The following STXBP4 variants were observed in gnomAD, a reference collection of about 807,000 sequenced individuals.
The protein encoded by STXBP4 is syntaxin binding protein 4, also known as syntaxin-binding protein 4.
Under a neutral mutation model 76.1 loss-of-function variants are expected in STXBP4, and 55 were observed. That is an observed-to-expected ratio of 0.72 (90% CI 0.58 to 0.91). The LOEUF is 0.91. STXBP4 is among the 40% of genes least tolerant of loss of function. The pLI is 0.00. For synonymous variants in STXBP4, 201 were observed against 220.2 expected (o/e 0.91, Z 0.77); for missense variants, 618 against 636.9 (o/e 0.97, Z 0.32).
intron 1 of STXBP4, among the ~76,000 whole-genome samples, chr17:54,975,888 CTTA>C (rs1054122402): frequency 6.6e-6 from 1 of 152,136 alleles, no homozygotes; most frequent in Admixed American, 6.5e-5. Flanking sequence ...TCACAGATGA[CTTA>C]TTATTTGGAT....
intron 7 of STXBP4, among the ~76,000 whole-genome samples, 156 bp from the exon 8 acceptor site, chr17:55,007,350 A>AT (rs936763970): frequency 1.3e-5 from 2 of 152,014 alleles, no homozygotes; most frequent in Non-Finnish European, 1.5e-5. Flanking sequence ...AAAAAAAAAA[A>AT]AGAAAAGAAA....
chr17:55,051,345 C>A (rs1050601288), intron 12 of STXBP4, among the ~76,000 whole-genome samples: 3 of 152,096 alleles, frequency 2.0e-5, no homozygotes, highest in Middle Eastern at 3.4e-3. Context: ...AAGATAGAAC[C>A]AATTCAAGCA....
intron 8 of STXBP4, among the ~76,000 whole-genome samples, chr17:55,020,681 G>C (rs1450592028): frequency 1.3e-5 from 2 of 152,228 alleles, no homozygotes; most frequent in African/African-American, 4.8e-5. Context: ...AGCCAGGCAT[G>C]GTGGCATGCA....
At chr17:55,071,208 C>T (rs2079115374) in intron 12 of STXBP4, among the ~76,000 whole-genome samples, 1 of 152,068 alleles carries the variant, frequency 6.6e-6, no homozygotes, top group Admixed American at 6.6e-5. Flanking sequence ...GATTCTCTGC[C>T]CAAAACCCTC....
intron 16 of STXBP4, among the ~76,000 whole-genome samples, chr17:55,102,970 G>A (rs2145025059): frequency 6.6e-6 from 1 of 152,024 alleles, no homozygotes; most frequent in African/African-American, 2.4e-5. Context: ...TTTTTGATGG[G>A]GTTGTTTGTT....
At chr17:55,064,419 T>C (rs962327242) in intron 12 of STXBP4, among the ~76,000 whole-genome samples, 1 of 152,202 alleles carries the variant, frequency 6.6e-6, no homozygotes. Flanking sequence ...ACTGTAATTA[T>C]AAGATCTCTT....
chr17:54,994,036 A>G (rs1477686721), intron 4 of STXBP4, among the ~76,000 whole-genome samples: 4 of 152,200 alleles, frequency 2.6e-5, no homozygotes, highest in Admixed American at 6.6e-5. Context: ...GTTTCTTTGA[A>G]AAACATATCC....
chr17:55,065,405 A>G (rs2079039416), intron 12 of STXBP4, among the ~76,000 whole-genome samples: 1 of 152,268 alleles, frequency 6.6e-6, no homozygotes, highest in Admixed American at 6.5e-5. Flanking sequence ...TTAAATCTCT[A>G]AAGGTTAATG....
chr17:55,208,559 A>C, the STXBP4 span, among the ~76,000 whole-genome samples: 1 of 143,044 alleles, frequency 7.0e-6, no homozygotes, highest in African/African-American at 2.8e-5. Flanking sequence ...GGAAGCAAGG[A>C]AGGAAGGGAG....
chr17:55,191,599 C>T, the STXBP4 span, among the ~76,000 whole-genome samples: 4 of 152,308 alleles, frequency 2.6e-5, no homozygotes, highest in African/African-American at 9.6e-5. Flanking sequence ...TCATCCCCAT[C>T]TCTCTTAGTC....
intron 10 of STXBP4, among the ~76,000 whole-genome samples, chr17:55,038,888 A>G (rs762464500): frequency 6.6e-6 from 1 of 152,174 alleles, no homozygotes; most frequent in Non-Finnish European, 1.5e-5. Context: ...AACAAGTGAA[A>G]TAGAACAAAA....
At position 55,034,254 on chromosome 17, in the gene STXBP4, T is replaced by A. The variant is rs1436112743; in HGVS notation, c.850T>A (p.Ser284Thr). ...ACATGAAATTTCCAATATATTAGATTCACAGGTAGAGTATGCCCTATAGAA... is the reference window on the plus strand; with the variant it reads ...ACATGAAATTTCCAATATATTAGATACACAGGTAGAGTATGCCCTATAGAA... ...GAHEISNILD[S>T]QLLPCDSSEA... The change falls in exon 10 of 18, where the codon TCA becomes ACA. Residue 284 changes from serine to threonine, a missense_variant. Physicochemically the swap from Ser to Thr is moderately conservative, Grantham distance 58 (BLOSUM62 1). Coordinates refer to ENST00000376352, the MANE Select transcript of STXBP4 (RefSeq NM_178509.6). 2 of 1,610,204 alleles carry A rather than the reference T, an allele frequency of 1.2e-6. No homozygotes were observed.
chr17:54,981,839 G>C (rs547562584), intron 1 of STXBP4, among the ~76,000 whole-genome samples: 28 of 152,158 alleles, frequency 1.8e-4, no homozygotes, highest in African/African-American at 6.3e-4. Flanking sequence ...AACAGAGAAA[G>C]ACCTAACGAT....
Position 54,990,816 on chromosome 17 carries a change from T to C in STXBP4, c.48-9T>C. On this transcript the variant is annotated splice_polypyrimidine_tract_variant and intron_variant, in intron 3 of 17. Coordinates refer to ENST00000376352, the MANE Select transcript of STXBP4 (RefSeq NM_178509.6). ...ACTAACCTGTGTGTGCTAATTTACTTTATCTTAGGGATCCTGCCTTTCAGA... is the reference window on the plus strand; with the variant it reads ...ACTAACCTGTGTGTGCTAATTTACTCTATCTTAGGGATCCTGCCTTTCAGA... The C allele has an allele frequency of 6.3e-7, 1 of 1,593,940 alleles. No homozygotes were observed. Among genetic ancestry groups the C allele is most frequent in the South Asian group, 1.2e-5 (1 of 86,706 alleles).
chr17:55,018,295 C>T (rs1417208198), intron 8 of STXBP4, among the ~76,000 whole-genome samples: 1 of 152,202 alleles, frequency 6.6e-6, no homozygotes, highest in Non-Finnish European at 1.5e-5. Flanking sequence ...CTTGCTGGAT[C>T]AGGAGCACAG....
intron 10 of STXBP4, among the ~76,000 whole-genome samples, chr17:55,038,126 T>G (rs1440299076): frequency 6.6e-6 from 1 of 152,112 alleles, no homozygotes; most frequent in East Asian, 1.9e-4. Context: ...TCATGTTTTC[T>G]TTTTTTGGCT....
At position 55,081,201 on chromosome 17, in the gene STXBP4, T is replaced by G; in HGVS notation, c.1489+18T>G. ...TATGGATTGTAAGTTTTCTGCATTT[T>G]TTCACTTTTTAAAAGTAATTTATTT... On this transcript the variant is annotated intron_variant, in intron 16 of 17. Coordinates refer to ENST00000376352, the MANE Select transcript of STXBP4 (RefSeq NM_178509.6). 1 of 1,415,134 alleles carries G rather than the reference T, an allele frequency of 7.1e-7. No homozygotes were observed. The highest frequency in any genetic ancestry group is 1.6e-5 in the South Asian group (1 of 62,548). 87.7% of individuals were successfully genotyped at this position (1,415,134 alleles called of 1,614,324 possible).
At position 55,160,976 on chromosome 17, in the gene STXBP4, A is replaced by G. The variant is rs905654146; in HGVS notation, c.*1065A>G. 3.3e-5 allele frequency: 5 copies of G among 152,238 alleles called. No homozygotes were observed. The highest frequency in any genetic ancestry group is 7.3e-5 in the Non-Finnish European group (5 of 68,066). The allele number at this position is 152,238 out of a possible 1,614,324, so 9.4% of individuals were successfully genotyped here. On this transcript the variant is annotated 3_prime_UTR_variant, in exon 18 of 18. Coordinates refer to ENST00000376352, the MANE Select transcript of STXBP4 (RefSeq NM_178509.6). ...TGAGAAGAGAGGTATCTGTTAAAAC[A>G]TTACTGCTCTACTCGAAACAAGATG...
chr17:55,143,439 TCTAA>T (rs1257405809), intron 17 of STXBP4, among the ~76,000 whole-genome samples: 1 of 152,152 alleles, frequency 6.6e-6, no homozygotes, highest in Non-Finnish European at 1.5e-5. Flanking sequence ...AATGTCAGAA[TCTAA>T]CTAGTGCCTT....
Sources: gnomAD v4.1 joint callset for allele counts (sites outside exome capture counted in the v4.1 genomes callset) on GRCh38, gnomAD v4.1.1 for gene constraint, MANE v1.5 for transcripts, NCBI Gene and HGNC (gene_info 2026-07-23, HGNC 2026-07-21) for gene names.